The following ACTR8 variants were observed in gnomAD, a reference collection of about 807,000 sequenced individuals.
ACTR8 encodes actin-related protein 8.
A neutral mutation model predicts 84.3 loss-of-function variants in ACTR8; 70 were observed. That is an observed-to-expected ratio of 0.83 (90% CI 0.68 to 1.01). The LOEUF (loss-of-function observed/expected upper bound fraction) is 1.01. Among genes scored for constraint, ACTR8 ranks in the 50% least tolerant of loss-of-function variants. The probability of loss-of-function intolerance (pLI) is 0.00; values close to 1 mark genes in which losing one functional copy is unlikely to be tolerated. For synonymous variants in ACTR8, 268 were observed against 275.2 expected (o/e 0.97, Z 0.26); for missense variants, 672 against 775.4 (o/e 0.87, Z 1.58).
downstream of ACTR8, among the ~76,000 whole-genome samples, chr3:53,866,619 C>T (rs868816789): frequency 2.6e-5 from 4 of 151,076 alleles, no homozygotes; most frequent in South Asian, 6.3e-4. Flanking sequence ...GTAGCTGGGA[C>T]TACAGGCACC....
chr3:53,863,073 A>C (rs1134092), downstream of ACTR8, among the ~76,000 whole-genome samples: 85,403 of 152,022 alleles, frequency 0.56, 25,657 homozygotes, highest in East Asian at 0.95. Context: ...TAGTAAATAT[A>C]TTTTCTCATG....
downstream of ACTR8, among the ~76,000 whole-genome samples, chr3:53,863,702 G>A (rs1030455242): frequency 1.1e-4 from 17 of 152,166 alleles, no homozygotes; most frequent in African/African-American, 4.1e-4. Flanking sequence ...CCTGCAGGTA[G>A]AAGACAGTAC....
downstream of ACTR8, among the ~76,000 whole-genome samples, chr3:53,864,492 G>A (rs573081203): frequency 1.3e-5 from 2 of 152,072 alleles, no homozygotes; most frequent in South Asian, 4.2e-4. Context: ...CCGAGGTCAC[G>A]CCACTGCACT....
chr3:53,866,292 GAGGATCACT>G (rs1699775775), downstream of ACTR8, among the ~76,000 whole-genome samples: 1 of 152,152 alleles, frequency 6.6e-6, no homozygotes. Context: ...GCTGAGATGG[GAGGATCACT>G]TGAGCCCTGG....
At chr3:53,874,425 T>C (rs1449715265) in intron 7 of ACTR8, 61 bp from the exon 8 acceptor site, 3 of 1,549,324 alleles carry the variant, frequency 1.9e-6, no homozygotes, top group East Asian at 4.7e-5. Flanking sequence ...CAAAAGGTGT[T>C]TGAAGAAATC....
intron 8 of ACTR8, among the ~76,000 whole-genome samples, chr3:53,873,818 T>TTTTATTTA (rs887350125): frequency 6.6e-6 from 1 of 152,090 alleles, no homozygotes; most frequent in East Asian, 1.9e-4. Flanking sequence ...TGTTACTTCA[T>TTTTATTTA]TTTATTTATT....
intron 8 of ACTR8, 137 bp from the exon 9 acceptor site, chr3:53,873,264 A>AAT: frequency 2.0e-6 from 1 of 494,656 alleles, no homozygotes; most frequent in South Asian, 3.5e-5. Flanking sequence ...TCACACTATA[A>AAT]TTTAGTAAAA....
chr3:53,876,162 G>A, intron 6 of ACTR8, 82 bp from the exon 7 acceptor site: 1 of 1,525,908 alleles, frequency 6.6e-7, no homozygotes, highest in East Asian at 2.4e-5. Context: ...GCTGAAGCGG[G>A]GAGCCTAGGG....
rs910330352 is a variant in ACTR8, at chr3:53,882,139, C to T, written c.-38G>A. 8 of 1,548,022 alleles carry T rather than the reference C, an allele frequency of 5.2e-6. No individual in the cohort carries two copies. The highest frequency in any genetic ancestry group is 1.2e-5 in the South Asian group (1 of 83,900). On this transcript the variant is annotated 5_prime_UTR_variant, in exon 1 of 13. Transcript: ENST00000335754. ...CACCCACCAACCTCTCGCCTCAGCG[C>T]TGCAGCCACGACTGCCGGGATGGAA...
chr3:53,875,816 T>C, intron 7 of ACTR8, 132 bp downstream of exon 7: 2 of 1,349,526 alleles, frequency 1.5e-6, no homozygotes, highest in Non-Finnish European at 1.0e-6. Context: ...TCCATAATCT[T>C]GCTGGTTTAC....
intron 6 of ACTR8, 104 bp from the exon 7 acceptor site, chr3:53,876,184 G>A: frequency 1.5e-6 from 2 of 1,361,174 alleles, no homozygotes; most frequent in Middle Eastern, 4.0e-4. Flanking sequence ...CCTCTGGGCA[G>A]GGCATCTGAG....
chr3:53,864,462 G>C (rs148227310), downstream of ACTR8, among the ~76,000 whole-genome samples: 211 of 152,260 alleles, frequency 1.4e-3, 2 homozygotes, highest in African/African-American at 4.9e-3. Flanking sequence ...GTGAACCCAG[G>C]AGGCGGAGGT....
At chr3:53,868,948 C>A in intron 12 of ACTR8, 86 bp from the exon 13 acceptor site, 1 of 1,511,000 alleles carries the variant, frequency 6.6e-7, no homozygotes, top group East Asian at 2.3e-5. Flanking sequence ...AGAAAAATCC[C>A]TGCTGAGTCA....
At position 53,867,539 on chromosome 3, in the gene ACTR8, TTC is replaced by T. The variant is rs1699811530; in HGVS notation, c.*1178_*1179del. 1 of 152,200 alleles carries T rather than the reference TTC, an allele frequency of 6.6e-6. No individual in the cohort carries two copies. The highest frequency in any genetic ancestry group is 6.5e-5 in the Admixed American group (1 of 15,278). 9.4% of individuals were successfully genotyped at this position (152,200 alleles called of 1,614,324 possible). A position where few individuals can be genotyped will look rare whatever the true frequency, so the allele number is the denominator to read the frequency against. ...CATCCAGAGTTCTTTCTATATTCCC[TTC>T]TGATTTCCATCACTTATCTGTTCCC... On this transcript the variant is annotated 3_prime_UTR_variant, in exon 13 of 13. Coordinates refer to ENST00000335754, the MANE Select transcript of ACTR8 (RefSeq NM_022899.5).
chr3:53,865,083 C>G (rs1301217760), downstream of ACTR8: 2 of 1,614,138 alleles, frequency 1.2e-6, no homozygotes, highest in South Asian at 2.2e-5. Flanking sequence ...TTGCCTTTAA[C>G]CTTTTCTGCA....
intron 4 of ACTR8, 47 bp from the exon 5 acceptor site, chr3:53,877,434 C>T (rs776533048): frequency 8.5e-6 from 13 of 1,529,204 alleles, no homozygotes; most frequent in Non-Finnish European, 1.1e-5. Flanking sequence ...ACTTTTCTCT[C>T]AAGGTTTTCT....
At chr3:53,862,961 G>A (rs1311613395), downstream of ACTR8, among the ~76,000 whole-genome samples, 1 of 152,118 alleles carries the variant, frequency 6.6e-6, no homozygotes, top group African/African-American at 2.4e-5. Context: ...CCACCCCTAA[G>A]TCAGCAAGAC....
chr3:53,879,154 T>C (rs1324804558), intron 2 of ACTR8, among the ~76,000 whole-genome samples: 1 of 152,260 alleles, frequency 6.6e-6, no homozygotes, highest in Non-Finnish European at 1.5e-5. Flanking sequence ...CAGAAATGTT[T>C]TCTTTTGATT....
chr3:53,876,050 GCA>G lies in ACTR8; in HGVS notation c.807_808del (p.Ala270HisfsTer43). On this transcript the variant is annotated frameshift_variant, in exon 7 of 13. Coordinates refer to ENST00000335754, the MANE Select transcript of ACTR8 (RefSeq NM_022899.5). LOFTEE classifies it high-confidence loss of function. ...GCTGCTTAAGCCACTTCCATAGGTG[GCA>G]CACACAGACTCCTGATGGACCACAA... 6.2e-7 allele frequency: 1 copy of G among 1,613,084 alleles called. No homozygotes were observed. Among genetic ancestry groups the G allele is most frequent in the South Asian group, 1.1e-5 (1 of 91,020 alleles).
Sources: gnomAD v4.1 joint callset for allele counts (sites outside exome capture counted in the v4.1 genomes callset) on GRCh38, gnomAD v4.1.1 for gene constraint, MANE v1.5 for transcripts, NCBI Gene and HGNC (gene_info 2026-07-23, HGNC 2026-07-21) for gene names.